TNFRSF1B: variants seen among roughly 807,000 people sequenced by gnomAD.
The protein encoded by TNFRSF1B is TNF receptor superfamily member 1B, also known as tumor necrosis factor receptor superfamily member 1B.
A neutral mutation model predicts 44.6 loss-of-function variants in TNFRSF1B; 19 were observed. That is an observed-to-expected ratio of 0.43 (90% CI 0.30 to 0.62). The LOEUF (loss-of-function observed/expected upper bound fraction) is 0.62. TNFRSF1B is among the 20% of genes least tolerant of loss of function. TNFRSF1B has a pLI of 0.16. For synonymous variants in TNFRSF1B, 252 were observed against 261.1 expected, an observed-to-expected ratio of 0.97 and a Z score of 0.34; for missense variants, 541 against 619.9, an observed-to-expected ratio of 0.87 and a Z score of 1.35.
chr1:12,171,177 T>C lies in TNFRSF1B; in HGVS notation c.78+4008T>C, dbSNP rs968271443. Among the ~76,000 whole-genome samples the C allele has an allele frequency of 9.1e-6, 1 of 110,072 alleles. No individual in the cohort carries two copies. Among genetic ancestry groups the C allele is most frequent in the African/African-American group, 4.4e-5 (1 of 22,822 alleles). 72.2% of individuals were successfully genotyped at this position (110,072 alleles called of 152,430 possible). On this transcript the variant is annotated intron_variant, in intron 1 of 9. Transcript: ENST00000376259. The surrounding 1 kb of genome is among the most constrained non-coding windows in gnomAD (Gnocchi z 4.5). ...GCCACCATGCCCGGCTAATTTTTCC[T>C]TTTTTTTTTTTTTTTTAGTAGAGAC...
Position 12,180,789 on chromosome 1 carries a change from G to A in TNFRSF1B, c.79-8007G>A, listed in dbSNP as rs1243001979. Among the ~76,000 whole-genome samples the A allele has an allele frequency of 6.6e-6, 1 of 152,120 alleles. No individual in the cohort carries two copies. Among genetic ancestry groups the A allele is most frequent in the Non-Finnish European group, 1.5e-5 (1 of 68,012 alleles). ...CTTTTCTTCCTGGAGCTCGGCCCTC[G>A]GCAGCTCTCAGAAGCTCACCTTCTT... On this transcript the variant is annotated intron_variant, in intron 1 of 9. Transcript: ENST00000376259. The surrounding 1 kb of genome is among the most constrained non-coding windows in gnomAD (Gnocchi z 4.3).
chr1:12,173,432 G>C (rs1480078121), intron 1 of TNFRSF1B, among the ~76,000 whole-genome samples: 1 of 152,200 alleles, frequency 6.6e-6, no homozygotes, highest in South Asian at 2.1e-4. Context: ...GGGCCATCAA[G>C]AATTCACGGC....
intron 1 of TNFRSF1B, among the ~76,000 whole-genome samples, chr1:12,175,192 T>G (rs1412585587): frequency 2.0e-5 from 3 of 151,954 alleles, no homozygotes; most frequent in African/African-American, 7.3e-5. Context: ...GCCGTGGGAG[T>G]GGGCGGGGCC....
In TNFRSF1B at chr1:12,207,623, C is replaced by T. The variant is rs1363757009; in HGVS notation, c.*603C>T. 6.5e-6 allele frequency: 1 copy of T among 153,078 alleles called. No individual in the cohort carries two copies. Among genetic ancestry groups the T allele is most frequent in the Non-Finnish European group, 1.5e-5 (1 of 68,760 alleles). The allele number at this position is 153,078 out of a possible 1,614,324, so 9.5% of individuals were successfully genotyped here. On this transcript the variant is annotated 3_prime_UTR_variant, in exon 10 of 10. Transcript: ENST00000376259. Reference sequence around the variant, plus strand: ...AGCTCAGGAGGCTTGGAAAGCATCACCTCAGGCCAGGTGCAGTGGCTCACG... The same window carrying T: ...AGCTCAGGAGGCTTGGAAAGCATCATCTCAGGCCAGGTGCAGTGGCTCACG...
chr1:12,199,542 C>T lies in TNFRSF1B; in HGVS notation c.901-2425C>T, dbSNP rs1210325123. ...CCAGTCCTGAGTGAGAGGCTGTGGCCTTGGGGAATTAAGGGTGCAGGTGGC... is the reference window on the plus strand; with the variant it reads ...CCAGTCCTGAGTGAGAGGCTGTGGCTTTGGGGAATTAAGGGTGCAGGTGGC... On this transcript the variant is annotated intron_variant, in intron 8 of 9. Transcript: ENST00000376259. The surrounding 1 kb of genome is among the most constrained non-coding windows in gnomAD (Gnocchi z 4.0). Among the ~76,000 whole-genome samples the T allele has an allele frequency of 6.6e-6, 1 of 152,202 alleles. No individual in the cohort carries two copies. The highest frequency in any genetic ancestry group is 1.9e-4 in the East Asian group (1 of 5,202).
intron 3 of TNFRSF1B, 103 bp downstream of exon 3, chr1:12,191,188 C>T: frequency 6.7e-7 from 1 of 1,491,002 alleles, no homozygotes; most frequent in African/African-American, 1.4e-5. Context: ...TTACCCCAGG[C>T]TGGTTGTTGG....
rs561812303 is a variant in TNFRSF1B, at chr1:12,200,863, C to T, written c.901-1104C>T. Among the ~76,000 whole-genome samples the T allele has an allele frequency of 1.6e-4, 25 of 152,284 alleles. No individual in the cohort carries two copies. In the South Asian group the frequency reaches 3.5e-3, roughly 21 times the overall value. On this transcript the variant is annotated intron_variant, in intron 8 of 9. Coordinates refer to ENST00000376259, the MANE Select transcript of TNFRSF1B (RefSeq NM_001066.3). ...CCCCAACTCCCTTCCTCAGGTGATC[C>T]GCCTGCCTCAGCCTCCCAAAGTGTT...
intron 1 of TNFRSF1B, among the ~76,000 whole-genome samples, chr1:12,181,469 C>T (rs1322157280): frequency 6.6e-6 from 1 of 152,122 alleles, no homozygotes; most frequent in Non-Finnish European, 1.5e-5. Context: ...AGTACCACTC[C>T]CATTTTACAG....
At chr1:12,172,287 A>G (rs17882445) in intron 1 of TNFRSF1B, among the ~76,000 whole-genome samples, 229 of 152,344 alleles carry the variant, frequency 1.5e-3, no homozygotes, top group African/African-American at 5.3e-3. Context: ...CGGCCTCTGA[A>G]TCAGATAAAC....
At chr1:12,191,944 C>G in intron 4 of TNFRSF1B, 21 bp downstream of exon 4, 2 of 1,602,378 alleles carry the variant, frequency 1.2e-6, no homozygotes, top group Non-Finnish European at 1.7e-6. Flanking sequence ...GGGCTCAGGT[C>G]CTTGGGGACG....
At chr1:12,205,753 C>T (rs1471600510) in intron 9 of TNFRSF1B, among the ~76,000 whole-genome samples, 1 of 152,064 alleles carries the variant, frequency 6.6e-6, no homozygotes, top group Non-Finnish European at 1.5e-5. Flanking sequence ...TCCCGAGTAG[C>T]TGGGATTATA....
rs927181868 is a variant in TNFRSF1B, at chr1:12,189,573, C to G, written c.178+678C>G. Among the ~76,000 whole-genome samples, 13 of 152,218 alleles carry G rather than the reference C, an allele frequency of 8.5e-5. 1 individual carries two copies. The highest frequency in any genetic ancestry group is 5.9e-5 in the Non-Finnish European group (4 of 68,036). On this transcript the variant is annotated intron_variant, in intron 2 of 9. Coordinates refer to ENST00000376259, the MANE Select transcript of TNFRSF1B (RefSeq NM_001066.3). ...CCATCTATTCATTTGTGTCTGTATT[C>G]ATTCATGTCATGATTATAAGGTATC...
rs562530685 is a variant in TNFRSF1B at position 12,184,907 on chromosome 1, G to C, written c.79-3889G>C. ...TGCTGGCCACTGTGCGGGGTGGGGG[G>C]CTGCCAGGGAAGAGGTGCAGCCCCT... On this transcript the variant is annotated intron_variant, in intron 1 of 9. Coordinates refer to ENST00000376259, the MANE Select transcript of TNFRSF1B (RefSeq NM_001066.3). Among the ~76,000 whole-genome samples the C allele has an allele frequency of 3.6e-4, 55 of 152,304 alleles. 2 individuals are homozygous for C. The highest frequency in any genetic ancestry group is 8.4e-4 in the African/African-American group (35 of 41,572).
chr1:12,176,394 G>A (rs1333962185), intron 1 of TNFRSF1B, among the ~76,000 whole-genome samples: 2 of 152,174 alleles, frequency 1.3e-5, no homozygotes, highest in Admixed American at 1.3e-4. Flanking sequence ...GAAAACTGTA[G>A]CAACTATAAT....
chr1:12,175,828 C>T (rs993274407), intron 1 of TNFRSF1B, among the ~76,000 whole-genome samples: 1 of 152,176 alleles, frequency 6.6e-6, no homozygotes, highest in African/African-American at 2.4e-5. Flanking sequence ...CACGGGGAAC[C>T]TCCTAACCGC....
intron 9 of TNFRSF1B, among the ~76,000 whole-genome samples, chr1:12,205,038 A>T (rs942012802): frequency 6.6e-6 from 1 of 151,762 alleles, no homozygotes; most frequent in Non-Finnish European, 1.5e-5. Context: ...AAAAGTCCCT[A>T]CCCTCCTGGG....
At chr1:12,192,140 G>T (rs1639151608) in intron 4 of TNFRSF1B, among the ~76,000 whole-genome samples, 1 of 152,232 alleles carries the variant, frequency 6.6e-6, no homozygotes, top group Admixed American at 6.5e-5. Flanking sequence ...GGAACCAGGA[G>T]ACCCAGAGAT....
intron 1 of TNFRSF1B, among the ~76,000 whole-genome samples, chr1:12,185,303 CCTTTTT>C (rs3835514): frequency 0.21 from 31,545 of 151,738 alleles, 3,423 homozygotes; most frequent in South Asian, 0.26. Flanking sequence ...GGGGAGATTT[CCTTTTT>C]CTTTTTCTTT....
At chr1:12,174,214 CCTTCTCCTT>C (rs1557623786) in intron 1 of TNFRSF1B, among the ~76,000 whole-genome samples, 1 of 138,082 alleles carries the variant, frequency 7.2e-6, no homozygotes, top group African/African-American at 2.9e-5. Context: ...TTCTCCTTCT[CCTTCTCCTT>C]CTCCTTCTCC....
Sources: gnomAD v4.1 joint callset for allele counts (sites outside exome capture counted in the v4.1 genomes callset) on GRCh38, gnomAD v4.1.1 for gene constraint, Gnocchi (gnomAD v3.1) non-coding constraint, MANE v1.5 for transcripts, NCBI Gene and HGNC (gene_info 2026-07-23, HGNC 2026-07-21) for gene names.